The following NWD2 variants were observed in gnomAD, a reference collection of about 807,000 sequenced individuals.
The protein encoded by NWD2 is NACHT and WD repeat domain containing 2.
A neutral mutation model predicts 132.7 loss-of-function variants in NWD2; 37 were observed. The observed-to-expected ratio is 0.28, with a 90% CI of 0.21 to 0.37. The LOEUF (loss-of-function observed/expected upper bound fraction) is 0.37. NWD2 is among the 10% of genes least tolerant of loss of function. The pLI, the probability that NWD2 is intolerant of heterozygous loss-of-function variation, is 1.00. For synonymous variants in NWD2, 705 were observed against 803.0 expected (o/e 0.88, Z 2.06); for missense variants, 1,592 against 2,122.4 (o/e 0.75, Z 4.91).
chr4:37,358,579 G>A (rs1382912584), intron 3 of NWD2, among the ~76,000 whole-genome samples: 1 of 152,082 alleles, frequency 6.6e-6, no homozygotes, highest in Non-Finnish European at 1.5e-5. Context: ...CCTGGGTTCT[G>A]ACCTGATATT....
chr4:37,310,816 A>G lies in NWD2; in HGVS notation c.152-15120A>G, dbSNP rs991594087. On this transcript the variant is annotated intron_variant, in intron 1 of 6. Coordinates refer to ENST00000309447, the MANE Select transcript of NWD2 (RefSeq NM_001144990.2). Reference sequence around the variant, plus strand: ...ACCCCACAACAGTCCCCAGAGTGTGATGTTCCCCTTCCTGTGTCCATGTGT... The same window carrying G: ...ACCCCACAACAGTCCCCAGAGTGTGGTGTTCCCCTTCCTGTGTCCATGTGT... 9.4e-5 allele frequency among the ~76,000 whole-genome samples: 11 copies of G among 116,986 alleles called. No individual in the cohort carries two copies. In the South Asian group the frequency reaches 1.1e-3, roughly 12 times the overall value. The allele number at this position is 116,986 out of a possible 152,430, so 76.7% of individuals were successfully genotyped here.
intron 1 of NWD2, among the ~76,000 whole-genome samples, chr4:37,317,952 G>A (rs538815381): frequency 2.0e-5 from 3 of 150,896 alleles, no homozygotes; most frequent in Non-Finnish European, 3.0e-5. Context: ...CAAACTATTC[G>A]CTCATTCATT....
chr4:37,332,987 G>A (rs1158002936), intron 2 of NWD2, among the ~76,000 whole-genome samples: 5 of 152,168 alleles, frequency 3.3e-5, no homozygotes, highest in East Asian at 1.9e-4. Context: ...TGGTGGCCAT[G>A]GGAAAAGATT....
intron 1 of NWD2, among the ~76,000 whole-genome samples, chr4:37,310,133 A>G (rs2109280358): frequency 6.6e-6 from 1 of 152,358 alleles, no homozygotes; most frequent in Admixed American, 6.5e-5. Context: ...GTACCCACAA[A>G]TGACAAAATG....
chr4:37,311,104 G>A (rs1327899048), intron 1 of NWD2, among the ~76,000 whole-genome samples: 1 of 152,084 alleles, frequency 6.6e-6, no homozygotes, highest in Non-Finnish European at 1.5e-5. Flanking sequence ...ACGTGTGCAT[G>A]TGTCTTTATA....
At chr4:37,323,857 C>CAAAAA (rs33925291) in intron 1 of NWD2, among the ~76,000 whole-genome samples, 2 of 146,798 alleles carry the variant, frequency 1.4e-5, no homozygotes. Context: ...ACTACACAGC[C>CAAAAA]AAAAAAAAAA....
intron 3 of NWD2, among the ~76,000 whole-genome samples, chr4:37,426,300 G>A (rs1460182815): frequency 6.6e-6 from 1 of 152,138 alleles, no homozygotes; most frequent in Admixed American, 6.5e-5. Context: ...CCTAAAGGAA[G>A]AATCAATAGA....
In NWD2 at chr4:37,444,707, C is replaced by G. The variant is rs770989728; in HGVS notation, c.2719C>G (p.Pro907Ala). Residue 907 changes from proline to alanine, a missense_variant, in exon 7 of 7, where the codon CCC becomes GCC. By Grantham distance (27) the Pro-to-Ala change is conservative (BLOSUM62 -1). Coordinates refer to ENST00000309447, the MANE Select transcript of NWD2 (RefSeq NM_001144990.2). The surrounding 1 kb of genome is among the most constrained non-coding windows in gnomAD (Gnocchi z 4.8). ...CATCAAAAACAAGGTCACTGCATTTCCCGGCTCCCTTTCAGCAGAGCTTCA... is the reference window on the plus strand; with the variant it reads ...CATCAAAAACAAGGTCACTGCATTTGCCGGCTCCCTTTCAGCAGAGCTTCA... ...RSIKNKVTAF[P>A]GSLSAELQQR... 5.2e-6 allele frequency: 8 copies of G among 1,552,008 alleles called. No homozygotes were observed. Among genetic ancestry groups the G allele is most frequent in the Non-Finnish European group, 7.0e-6 (8 of 1,147,112 alleles).
At chr4:37,376,323 G>C (rs1720349382) in intron 3 of NWD2, among the ~76,000 whole-genome samples, 1 of 152,260 alleles carries the variant, frequency 6.6e-6, no homozygotes, top group Non-Finnish European at 1.5e-5. Flanking sequence ...AATTAAATTA[G>C]ATAGGTGAAA....
intron 1 of NWD2, among the ~76,000 whole-genome samples, chr4:37,322,132 CT>C (rs1225043861): frequency 6.6e-6 from 1 of 152,142 alleles, no homozygotes; most frequent in Non-Finnish European, 1.5e-5. Flanking sequence ...GCATGTGTGG[CT>C]TTTTTCATTC....
intron 2 of NWD2, among the ~76,000 whole-genome samples, chr4:37,338,745 C>G (rs1200101822): frequency 6.6e-6 from 1 of 152,196 alleles, no homozygotes; most frequent in East Asian, 1.9e-4. Flanking sequence ...CACCTTTCTT[C>G]CACCGTTTCT....
intron 1 of NWD2, among the ~76,000 whole-genome samples, chr4:37,260,909 A>G (rs1717623445): frequency 6.6e-6 from 1 of 152,204 alleles, no homozygotes; most frequent in African/African-American, 2.4e-5. Context: ...GGACTTCTGA[A>G]TAGTAGAGGT....
intron 3 of NWD2, among the ~76,000 whole-genome samples, chr4:37,356,854 C>G (rs1000792436): frequency 6.6e-6 from 1 of 152,122 alleles, no homozygotes; most frequent in Non-Finnish European, 1.5e-5. Context: ...TAGTTCTTAA[C>G]GCTAGAATTT....
intron 3 of NWD2, among the ~76,000 whole-genome samples, chr4:37,394,177 G>A (rs547502507): frequency 7.2e-5 from 11 of 152,290 alleles, no homozygotes; most frequent in Admixed American, 7.2e-4. Context: ...GAGCACTTAA[G>A]TAAATGTATA....
At chr4:37,285,681 G>A (rs1381811349) in intron 1 of NWD2, among the ~76,000 whole-genome samples, 2 of 151,926 alleles carry the variant, frequency 1.3e-5, no homozygotes, top group East Asian at 3.8e-4. Flanking sequence ...TCTAAATTAG[G>A]TTTGGTTAAT....
intron 1 of NWD2, among the ~76,000 whole-genome samples, chr4:37,289,679 C>T (rs1427492304): frequency 6.6e-6 from 1 of 152,160 alleles, no homozygotes; most frequent in East Asian, 1.9e-4. Context: ...GTGAAATGTA[C>T]AAATCCTAAG....
intron 3 of NWD2, among the ~76,000 whole-genome samples, chr4:37,375,491 A>C (rs1222102981): frequency 6.6e-6 from 1 of 151,924 alleles, no homozygotes; most frequent in Non-Finnish European, 1.5e-5. Context: ...ACATAGAAAG[A>C]TTAACTTGCC....
At chr4:37,279,877 T>C (rs1472567180) in intron 1 of NWD2, among the ~76,000 whole-genome samples, 1 of 152,164 alleles carries the variant, frequency 6.6e-6, no homozygotes, top group Non-Finnish European at 1.5e-5. Context: ...AGAAGAAGAA[T>C]GAATAGAGAA....
At chr4:37,424,612 C>T (rs1241515446) in intron 3 of NWD2, among the ~76,000 whole-genome samples, 1 of 152,208 alleles carries the variant, frequency 6.6e-6, no homozygotes, top group African/African-American at 2.4e-5. Context: ...TATGCTTCAG[C>T]TTGTTACAGC....
Sources: gnomAD v4.1 joint callset for allele counts (sites outside exome capture counted in the v4.1 genomes callset) on GRCh38, gnomAD v4.1.1 for gene constraint, Gnocchi (gnomAD v3.1) non-coding constraint, MANE v1.5 for transcripts, NCBI Gene and HGNC (gene_info 2026-07-23, HGNC 2026-07-21) for gene names.